Variants in USP13 observed in about 807,000 individuals in gnomAD.
USP13 encodes the protein ubiquitin specific peptidase 13.
Under a neutral mutation model 107.8 loss-of-function variants are expected in USP13, and 68 were observed. The ratio of observed to expected loss-of-function variants is 0.63; its 90% confidence interval spans 0.52 to 0.77. The LOEUF (loss-of-function observed/expected upper bound fraction) is 0.77. Ranked by LOEUF, USP13 falls within the 30% of genes least tolerant of loss-of-function variation. The probability of loss-of-function intolerance (pLI) is 0.00; values close to 1 mark genes in which losing one functional copy is unlikely to be tolerated. For synonymous variants in USP13, 377 were observed against 389.5 expected (o/e 0.97, Z 0.38); for missense variants, 945 against 1,093.3 (o/e 0.86, Z 1.91).
chr3:179,728,102 GC>G (rs1397974651), intron 8 of USP13, among the ~76,000 whole-genome samples: 1 of 96,214 alleles, frequency 1.0e-5, no homozygotes. Flanking sequence ...CCCGGACGGG[GC>G]AGCTGGCCGG....
chr3:179,666,462 G>C (rs2108438895), intron 1 of USP13, among the ~76,000 whole-genome samples: 1 of 152,290 alleles, frequency 6.6e-6, no homozygotes, highest in East Asian at 1.9e-4. Flanking sequence ...GGGCGAGTAG[G>C]CTGTGAGAGC....
At chr3:179,675,108 G>A in intron 1 of USP13, among the ~76,000 whole-genome samples, 1 of 151,684 alleles carries the variant, frequency 6.6e-6, no homozygotes, top group East Asian at 1.9e-4. Flanking sequence ...CCGGGAGGTG[G>A]AGTTTGCAGT....
intron 19 of USP13, among the ~76,000 whole-genome samples, chr3:179,773,117 T>G (rs1313965721): frequency 6.6e-6 from 1 of 152,076 alleles, no homozygotes; most frequent in African/African-American, 2.4e-5. Flanking sequence ...TGGGACCTGG[T>G]GGGAGGTGTT....
chr3:179,672,442 T>C (rs1156314410), intron 1 of USP13, among the ~76,000 whole-genome samples: 1 of 151,396 alleles, frequency 6.6e-6, no homozygotes, highest in Non-Finnish European at 1.5e-5. Context: ...TGGAGTGCAA[T>C]GGCGCGATCT....
At chr3:179,744,004 C>A (rs1379388655) in intron 12 of USP13, among the ~76,000 whole-genome samples, 2 of 142,586 alleles carry the variant, frequency 1.4e-5, no homozygotes, top group Non-Finnish European at 3.0e-5. Context: ...ATTTTGACTA[C>A]AGGCTAGTTT....
intron 5 of USP13, 63 bp from the exon 6 acceptor site, chr3:179,708,708 TTC>T (rs1712811673): frequency 1.3e-6 from 2 of 1,580,438 alleles, no homozygotes. Context: ...ACCCTCTGTC[TTC>T]TTAGATGTTA....
At chr3:179,688,862 G>A (rs758680328) in intron 2 of USP13, among the ~76,000 whole-genome samples, 7 of 152,228 alleles carry the variant, frequency 4.6e-5, no homozygotes, top group Non-Finnish European at 1.0e-4. Context: ...GGGGAAGAAA[G>A]AGGCTCTGAG....
intron 2 of USP13, among the ~76,000 whole-genome samples, chr3:179,685,632 A>G (rs1711842221): frequency 1.4e-5 from 2 of 138,482 alleles, no homozygotes; most frequent in Non-Finnish European, 3.2e-5. Context: ...TTAGAAAACT[A>G]AAAAAAAAAA....
chr3:179,760,036 GATTGACAGAAA>G (rs1431082883), intron 16 of USP13, among the ~76,000 whole-genome samples: 3 of 152,226 alleles, frequency 2.0e-5, no homozygotes, highest in East Asian at 3.9e-4. Context: ...TTCTTTTCCT[GATTGACAGAAA>G]ATTGACAGAA....
At chr3:179,752,020 G>A (rs902876713) in intron 13 of USP13, among the ~76,000 whole-genome samples, 3 of 152,220 alleles carry the variant, frequency 2.0e-5, no homozygotes, top group African/African-American at 7.2e-5. Context: ...TGGGATTACA[G>A]GCGTGAGCCA....
At chr3:179,746,534 G>A (rs1057176921) in intron 13 of USP13, among the ~76,000 whole-genome samples, 6 of 152,114 alleles carry the variant, frequency 3.9e-5, no homozygotes, top group African/African-American at 1.4e-4. Context: ...CCAGGTTCAA[G>A]TGATTCTCCT....
intron 20 of USP13, among the ~76,000 whole-genome samples, chr3:179,782,408 C>G (rs1246573024): frequency 1.3e-5 from 2 of 152,144 alleles, no homozygotes; most frequent in African/African-American, 4.8e-5. Flanking sequence ...TCTCAGCCTT[C>G]TTAAGTAGAA....
At chr3:179,706,810 C>A in intron 4 of USP13, 124 bp from the exon 5 acceptor site, 5 of 1,172,968 alleles carry the variant, frequency 4.3e-6, no homozygotes, top group Non-Finnish European at 5.9e-6. Flanking sequence ...CCCTCTCTTG[C>A]GACAACTACG....
rs369271272 is a variant in USP13, at chr3:179,716,566, C to T, written c.806-3374C>T. 6.6e-5 allele frequency among the ~76,000 whole-genome samples: 10 copies of T among 152,274 alleles called. No homozygotes were observed. In the East Asian group the frequency reaches 1.7e-3, roughly 26 times the overall value. On this transcript the variant is annotated intron_variant, in intron 6 of 20. Transcript: ENST00000263966. ...AACCTTGGTGGTTGAACAAGGATGA[C>T]CCGCGCCAGGCATGCTAGACTTAAC...
chr3:179,688,099 G>GTCCGTCCATCCATCCA (rs1576926141), intron 2 of USP13, among the ~76,000 whole-genome samples: 1 of 140,532 alleles, frequency 7.1e-6, no homozygotes, highest in African/African-American at 2.7e-5. Flanking sequence ...CCATCCATCC[G>GTCCGTCCATCCATCCA]TCCATCCATC....
chr3:179,703,766 T>G (rs1477989759), intron 4 of USP13, among the ~76,000 whole-genome samples: 2 of 152,168 alleles, frequency 1.3e-5, no homozygotes, highest in African/African-American at 2.4e-5. Context: ...TGCATGTAAA[T>G]AAAACCTCAA....
At chr3:179,701,341 G>T (rs1285126075) in intron 4 of USP13, among the ~76,000 whole-genome samples, 1 of 152,162 alleles carries the variant, frequency 6.6e-6, no homozygotes, top group African/African-American at 2.4e-5. Flanking sequence ...TGGGCCTTTT[G>T]CTGTCTCTTA....
chr3:179,763,295 T>C (rs1417388949), intron 17 of USP13, among the ~76,000 whole-genome samples: 1 of 152,214 alleles, frequency 6.6e-6, no homozygotes, highest in African/African-American at 2.4e-5. Context: ...CATTGCCTAA[T>C]CCAATGGCAA....
At chr3:179,726,224 G>A (rs1325724845) in intron 8 of USP13, among the ~76,000 whole-genome samples, 1 of 152,182 alleles carries the variant, frequency 6.6e-6, no homozygotes, top group Non-Finnish European at 1.5e-5. Flanking sequence ...GAAAAAGACA[G>A]CAGAAGGCAT....
Sources: allele counts gnomAD v4.1 joint callset (sites outside exome capture counted in the v4.1 genomes callset), GRCh38; gene constraint gnomAD v4.1.1; transcripts MANE v1.5; gene names NCBI Gene and HGNC (gene_info 2026-07-23, HGNC 2026-07-21).